The following HERC1 variants were observed in gnomAD, a reference collection of about 807,000 sequenced individuals.
The protein encoded by HERC1 is HECT and RLD domain containing E3 ubiquitin protein ligase family member 1.
Under a neutral mutation model 554.3 loss-of-function variants are expected in HERC1, and 160 were observed. That is an observed-to-expected ratio of 0.29 (90% confidence interval 0.25 to 0.33). The LOEUF (loss-of-function observed/expected upper bound fraction) is 0.33. HERC1 is among the 10% of genes least tolerant of loss of function. HERC1 has a pLI of 1.00. For synonymous variants in HERC1, 2,175 were observed against 2,131.7 expected (o/e 1.02, Z -0.56); for missense variants, 4,919 against 5,918.5 (o/e 0.83, Z 5.54).
intron 60 of HERC1, 64 bp downstream of exon 60, chr15:63,641,406 G>T: frequency 7.2e-7 from 1 of 1,396,152 alleles, no homozygotes; most frequent in Non-Finnish European, 9.9e-7. Flanking sequence ...TAAGTTCAAG[G>T]CTATAATCAC....
Position 63,737,375 on chromosome 15 carries a change from TATATATATATATATCGTTTTTCCAG to T in HERC1, c.2521-2551_2521-2527del, listed in dbSNP as rs1567069412. Reference sequence around the variant, plus strand: ...GATATATATATATCTTTTTTCCAGATATATATATATATATCGTTTTTCCAGATATATATATATATATCTTTTTTCC... The same window carrying T: ...GATATATATATATCTTTTTTCCAGATATATATATATATATATCTTTTTTCC... On this transcript the variant is annotated intron_variant, in intron 12 of 77. Transcript: ENST00000443617. Among the ~76,000 whole-genome samples, 268 of 126,480 alleles carry T rather than the reference TATATATATATATATCGTTTTTCCAG, an allele frequency of 2.1e-3. 6 individuals carry two copies. Among genetic ancestry groups the T allele is most frequent in the Middle Eastern group, 8.3e-3 (2 of 240 alleles). The allele number at this position is 126,480 out of a possible 152,430, so 83.0% of individuals were successfully genotyped here.
intron 6 of HERC1, 115 bp from the exon 7 acceptor site, chr15:63,754,763 A>G: frequency 1.0e-6 from 1 of 988,924 alleles, no homozygotes; most frequent in Non-Finnish European, 1.5e-6. Flanking sequence ...GATTTTTTTA[A>G]TGCAATGCAA....
chr15:63,833,397 G>A (rs2078223652), intron 1 of HERC1, among the ~76,000 whole-genome samples: 1 of 152,162 alleles, frequency 6.6e-6, no homozygotes, highest in Non-Finnish European at 1.5e-5. Flanking sequence ...CCCTGAGAGG[G>A]AGTCGGCCGC....
chr15:63,708,412 C>T (rs1596030033), intron 24 of HERC1, among the ~76,000 whole-genome samples: 1 of 152,330 alleles, frequency 6.6e-6, no homozygotes, highest in South Asian at 2.1e-4. Flanking sequence ...ATTTTCCTCT[C>T]TCAGCCTTTT....
chr15:63,822,598 AT>A lies in HERC1; in HGVS notation c.-27+11228del, dbSNP rs112579010. On this transcript the variant is annotated intron_variant, in intron 1 of 77. Coordinates refer to ENST00000443617, the MANE Select transcript of HERC1 (RefSeq NM_003922.4). Reference sequence around the variant, plus strand: ...AAGACTCTGTCTCAAAAAAAAAAAAATTTTTAAATAATAATTGTAATTTAAT... The same window carrying A: ...AAGACTCTGTCTCAAAAAAAAAAAAATTTTAAATAATAATTGTAATTTAAT... 3.2e-3 allele frequency among the ~76,000 whole-genome samples: 485 copies of A among 149,664 alleles called. 2 individuals carry two copies. The highest frequency in any genetic ancestry group is 9.1e-3 in the African/African-American group (370 of 40,500).
Position 63,636,096 on chromosome 15 carries a change from G to T in HERC1, c.12279C>A (p.His4093Gln). ...CACCACTTTCAGTTAGGGCCATAGAGTGCCCATCAGAACCACAGGAAGTCA... is the reference window on the plus strand; with the variant it reads ...CACCACTTTCAGTTAGGGCCATAGATTGCCCATCAGAACCACAGGAAGTCA... ...QLVTSCGSDG[H>Q]SMALTESGEV... Residue 4093 changes from histidine (H) to glutamine (Q), a missense_variant, in exon 65 of 78, where the codon CAC becomes CAA. Coordinates refer to ENST00000443617, the MANE Select transcript of HERC1 (RefSeq NM_003922.4). 1 of 1,613,744 alleles carries T rather than the reference G, an allele frequency of 6.2e-7. No homozygotes were observed. Among genetic ancestry groups the T allele is most frequent in the Non-Finnish European group, 8.5e-7 (1 of 1,179,838 alleles).
chr15:63,781,880 G>C (rs1465808100), intron 1 of HERC1, among the ~76,000 whole-genome samples: 1 of 152,190 alleles, frequency 6.6e-6, no homozygotes, highest in African/African-American at 2.4e-5. Context: ...TCCTGATATG[G>C]GGAAAGTCTG....
chr15:63,684,643 G>A (rs1173606689), intron 34 of HERC1, among the ~76,000 whole-genome samples: 1 of 152,166 alleles, frequency 6.6e-6, no homozygotes, highest in Admixed American at 6.5e-5. Context: ...ATATGGAGGA[G>A]TCGGGAGGGC....
intron 22 of HERC1, 70 bp from the exon 23 acceptor site, chr15:63,713,735 A>G (rs2073413940): frequency 1.4e-6 from 2 of 1,394,390 alleles, no homozygotes; most frequent in South Asian, 2.9e-5. Context: ...TAACAATAAA[A>G]ATAGTCAAAA....
Position 63,692,326 on chromosome 15 carries a change from G to T in HERC1, c.5830+85C>A. 2.0e-6 allele frequency: 2 copies of T among 1,012,474 alleles called. No homozygotes were observed. Among genetic ancestry groups the T allele is most frequent in the Non-Finnish European group, 2.8e-6 (2 of 711,404 alleles). The allele number at this position is 1,012,474 out of a possible 1,614,324, so 62.7% of individuals were successfully genotyped here. ...AAGCCTTCAAATCAAGGTTACACATGGAGTGTTGCTAAAGTCTGGCATTAT... is the reference window on the plus strand; with the variant it reads ...AAGCCTTCAAATCAAGGTTACACATTGAGTGTTGCTAAAGTCTGGCATTAT... On this transcript the variant is annotated intron_variant, in intron 31 of 77. Coordinates refer to ENST00000443617, the MANE Select transcript of HERC1 (RefSeq NM_003922.4). The surrounding 1 kb of genome is among the most constrained non-coding windows in gnomAD (Gnocchi z 4.7).
At chr15:63,615,645 T>C (rs1369862569) in intron 76 of HERC1, 123 bp downstream of exon 76, 10 of 604,670 alleles carry the variant, frequency 1.7e-5, no homozygotes, top group Non-Finnish European at 2.4e-5. Context: ...AATAAATTCA[T>C]ACATACATAC....
At position 63,716,350 on chromosome 15, in the gene HERC1, G is replaced by A. The variant is rs374904548; in HGVS notation, c.4102C>T (p.Pro1368Ser). The change falls in exon 22 of 78, where the codon CCA (proline) becomes TCA (serine). Residue 1368 changes from proline to serine, a missense_variant. By Grantham distance (74) the Pro-to-Ser change is moderately conservative. Coordinates refer to ENST00000443617, the MANE Select transcript of HERC1 (RefSeq NM_003922.4). Reference protein sequence around the residue: ...ERDREEGHPEPEDEEEEREHE... With the variant: ...ERDREEGHPESEDEEEEREHE... ...TCCCGTTCCTCCTCTTCATCCTCTGGCTCCGGATGCCCCTCTTCCCGGTCT... is the reference window on the plus strand; with the variant it reads ...TCCCGTTCCTCCTCTTCATCCTCTGACTCCGGATGCCCCTCTTCCCGGTCT... 1.4e-5 allele frequency: 22 copies of A among 1,613,494 alleles called. No homozygotes were observed. The highest frequency in any genetic ancestry group is 1.9e-5 in the Non-Finnish European group (22 of 1,179,752).
chr15:63,686,589 G>C, intron 33 of HERC1, 54 bp from the exon 34 acceptor site: 5 of 1,449,970 alleles, frequency 3.4e-6, no homozygotes, highest in Middle Eastern at 1.9e-4. Context: ...TCTCAGATAA[G>C]ATATATTCTG....
chr15:63,756,719 G>T lies in HERC1; in HGVS notation c.1251C>A (p.Val417=). 1 of 1,610,552 alleles carries T rather than the reference G, an allele frequency of 6.2e-7. No individual in the cohort carries two copies. The highest frequency in any genetic ancestry group is 8.5e-7 in the Non-Finnish European group (1 of 1,178,432). ...CTCTAACAGAGCCATCCGTAGAAATGACAAAAGTGCAGTACTGTCCAGCTT... is the reference window on the plus strand; with the variant it reads ...CTCTAACAGAGCCATCCGTAGAAATTACAAAAGTGCAGTACTGTCCAGCTT... ...TIEAGQYCTF[V]ISTDGSVRAC... is the part of the protein sequence containing the mutation. The change falls in exon 5 of 78, where the codon GTC becomes GTA. Residue 417 remains valine, a synonymous_variant. Transcript: ENST00000443617. The surrounding 1 kb of genome is among the most constrained non-coding windows in gnomAD (Gnocchi z 5.0).
chr15:63,662,055 C>A, intron 44 of HERC1, 34 bp from the exon 45 acceptor site: 2 of 1,589,930 alleles, frequency 1.3e-6, no homozygotes, highest in South Asian at 2.2e-5. Flanking sequence ...AATGATTAGT[C>A]AATTTAACAT....
At chr15:63,616,144 G>A (rs2067805993) in intron 75 of HERC1, among the ~76,000 whole-genome samples, 1 of 152,108 alleles carries the variant, frequency 6.6e-6, no homozygotes, top group Non-Finnish European at 1.5e-5. Flanking sequence ...CACAAACCAA[G>A]CCTGTTGAAC....
chr15:63,788,100 A>G (rs2076515685), intron 1 of HERC1, among the ~76,000 whole-genome samples: 1 of 152,204 alleles, frequency 6.6e-6, no homozygotes, highest in Non-Finnish European at 1.5e-5. Context: ...ATACATAAAG[A>G]CATTTGTATA....
At chr15:63,807,123 C>A (rs1271713679) in intron 1 of HERC1, among the ~76,000 whole-genome samples, 5 of 152,236 alleles carry the variant, frequency 3.3e-5, no homozygotes, top group Non-Finnish European at 7.3e-5. Flanking sequence ...CACTACCCTA[C>A]TTTATAAATT....
At chr15:63,761,661 A>G (rs2075616442) in intron 3 of HERC1, among the ~76,000 whole-genome samples, 1 of 152,146 alleles carries the variant, frequency 6.6e-6, no homozygotes, top group South Asian at 2.1e-4. Flanking sequence ...TTATTAAAAA[A>G]CAGGGAAAGC....
Sources: allele counts gnomAD v4.1 joint callset (sites outside exome capture counted in the v4.1 genomes callset), GRCh38; gene constraint gnomAD v4.1.1; non-coding constraint Gnocchi (gnomAD v3.1); transcripts MANE v1.5; gene names NCBI Gene and HGNC (gene_info 2026-07-23, HGNC 2026-07-21).